The following IRF3 variants were observed in gnomAD, a reference collection of about 807,000 sequenced individuals.
IRF3 encodes the protein interferon regulatory factor 3.
IRF3 carries 29 observed loss-of-function variants against 43.2 expected under a neutral mutation model. The ratio of observed to expected loss-of-function variants is 0.67; its 90% CI spans 0.50 to 0.91. The LOEUF (loss-of-function observed/expected upper bound fraction) is 0.91, where lower values mean the gene tolerates loss of function less well. IRF3 is among the 40% of genes least tolerant of loss of function. IRF3 has a pLI of 0.00. For synonymous variants in IRF3, 228 were observed against 233.9 expected, an observed-to-expected ratio of 0.97 and a Z score of 0.23; for missense variants, 505 against 559.1, an observed-to-expected ratio of 0.90 and a Z score of 0.98.
chr19:49,664,166 C>CA (rs1190505073), intron 2 of IRF3, among the ~76,000 whole-genome samples: 1 of 152,162 alleles, frequency 6.6e-6, no homozygotes, highest in East Asian at 1.9e-4. Context: ...GCCCCCGGCC[C>CA]AAAAACCTTT....
rs767689722 is a variant in IRF3 at position 49,659,611 on chromosome 19, A to AC, written c.*36dup. ...AGTTTATTGGTTGAGGTGGTGGGGAACAGGGGGGTTGGAGGCACACCATGA... is the reference window on the plus strand; with the variant it reads ...AGTTTATTGGTTGAGGTGGTGGGGAACCAGGGGGGTTGGAGGCACACCATGA... On this transcript the variant is annotated 3_prime_UTR_variant, in exon 8 of 8. Coordinates refer to ENST00000377139, the MANE Select transcript of IRF3 (RefSeq NM_001571.6). The AC allele has an allele frequency of 1.3e-6, 2 of 1,587,064 alleles. No homozygotes were observed. Among genetic ancestry groups the AC allele is most frequent in the African/African-American group, 1.3e-5 (1 of 74,166 alleles).
chr19:49,662,427 TC>T lies in IRF3; in HGVS notation c.598del (p.Glu200LysfsTer7). The T allele has an allele frequency of 6.3e-7, 1 of 1,591,170 alleles. No individual in the cohort carries two copies. Among genetic ancestry groups the T allele is most frequent in the Non-Finnish European group, 8.6e-7 (1 of 1,168,820 alleles). On this transcript the variant is annotated frameshift_variant, in exon 5 of 8. Transcript: ENST00000377139. LOFTEE classifies it high-confidence loss of function. Reference sequence around the variant, plus strand: ...CCCAGCCTGCAGCTGACACTCACCTTCCCCCGGCACCAACAGCCGCTTCAGT... The same window carrying T: ...CCCAGCCTGCAGCTGACACTCACCTTCCCCGGCACCAACAGCCGCTTCAGT... ...NPLKRLLVPG[E>X]EWEFEVTAFY...
chr19:49,664,541 A>G (rs1411714763), intron 2 of IRF3, 133 bp downstream of exon 2: 2 of 1,593,554 alleles, frequency 1.3e-6, no homozygotes, highest in Middle Eastern at 1.7e-4. Flanking sequence ...CTCCCGTTCT[A>G]GCCCCACCCA....
chr19:49,665,076 T>C (rs1294061996), intron 1 of IRF3: 1 of 536,832 alleles, frequency 1.9e-6, no homozygotes, highest in Non-Finnish European at 3.3e-6. Context: ...CCCAGCGTCT[T>C]CAGTGCAGAC....
At position 49,662,564 on chromosome 19, in the gene IRF3, A is replaced by C; in HGVS notation, c.462T>G (p.Asp154Glu). ...LGNMVLAPLP[D>E]PGPPSLAVAP... ...CTACAGCCAGGCTTGGGGGTCCCGG[A>C]TCTGGGAGTGGGGCCAACACCATGT... The change falls in exon 5 of 8, where the codon GAT becomes GAG. Residue 154 changes from aspartate (D) to glutamate (E), a missense_variant. Asp to Glu is a conservative substitution (Grantham distance 45, BLOSUM62 2). Coordinates refer to ENST00000377139, the MANE Select transcript of IRF3 (RefSeq NM_001571.6). The C allele has an allele frequency of 1.3e-6, 2 of 1,528,088 alleles. No homozygotes were observed. The highest frequency in any genetic ancestry group is 1.8e-6 in the Non-Finnish European group (2 of 1,142,232). 94.7% of individuals were successfully genotyped at this position (1,528,088 alleles called of 1,614,324 possible).
intron 7 of IRF3, 56 bp from the exon 8 acceptor site, chr19:49,659,889 G>GGT: frequency 1.3e-6 from 2 of 1,529,184 alleles, no homozygotes; most frequent in Non-Finnish European, 1.8e-6. Context: ...TGTCCACCAA[G>GGT]GTAGGAGTCA....
rs757666757 is a variant in IRF3, at chr19:49,659,609, G to A, written c.*39C>T. On this transcript the variant is annotated 3_prime_UTR_variant, in exon 8 of 8. Coordinates refer to ENST00000377139, the MANE Select transcript of IRF3 (RefSeq NM_001571.6). ...CCAGTTTATTGGTTGAGGTGGTGGG[G>A]AACAGGGGGGTTGGAGGCACACCAT... 16 of 1,584,408 alleles carry A rather than the reference G, an allele frequency of 1.0e-5. No homozygotes were observed. In the African/African-American group the frequency reaches 1.1e-4, roughly 11 times the overall value.
chr19:49,659,784 C>T lies in IRF3; in HGVS notation c.1148G>A (p.Gly383Asp). Residue 383 changes from glycine (G) to aspartate (D), a missense_variant, in exon 8 of 8, where the codon GGT becomes GAT. Transcript: ENST00000377139. ...RALVEMARVG[G>D]ASSLENTVDL... ...CACAGTATTCTCCAGGGAGGAGGCA[C>T]CCCCTACCCGGGCCATTTCTACCAA... 6.2e-7 allele frequency: 1 copy of T among 1,611,120 alleles called. No homozygotes were observed. Among genetic ancestry groups the T allele is most frequent in the Non-Finnish European group, 8.5e-7 (1 of 1,178,156 alleles).
chr19:49,664,379 A>T (rs1038479124), intron 2 of IRF3: 39 of 1,226,548 alleles, frequency 3.2e-5, no homozygotes, highest in Non-Finnish European at 4.1e-5. Context: ...TCTATCCTAC[A>T]ACCAAGAGCC....
chr19:49,662,268 G>A lies in IRF3; in HGVS notation c.662C>T (p.Ser221Phe). Residue 221 changes from serine (S) to phenylalanine (F), a missense_variant, in exon 6 of 8, where the codon TCC becomes TTC. Physicochemically the swap from Ser to Phe is radical, Grantham distance 155 (BLOSUM62 -2). Transcript: ENST00000377139. ...CACCAGCCGCAGGCCCTCCGGGCAG[G>A]AGATGGTCTGCTGGAAGACTTGGCG... Reference protein sequence around the residue: ...RGRQVFQQTISCPEGLRLVGS... With the variant: ...RGRQVFQQTIFCPEGLRLVGS... 6.2e-7 allele frequency: 1 copy of A among 1,613,938 alleles called. No homozygotes were observed. Among genetic ancestry groups the A allele is most frequent in the Non-Finnish European group, 8.5e-7 (1 of 1,180,054 alleles).
chr19:49,665,823 GATGGGA>G lies in IRF3; in HGVS notation c.-207_-202del. 1 of 1,587,608 alleles carries G rather than the reference GATGGGA, an allele frequency of 6.3e-7. No homozygotes were observed. The highest frequency in any genetic ancestry group is 8.6e-7 in the Non-Finnish European group (1 of 1,160,034). On this transcript the variant is annotated 5_prime_UTR_variant, in exon 1 of 8. Coordinates refer to ENST00000377139, the MANE Select transcript of IRF3 (RefSeq NM_001571.6). The stretch of plus-strand genomic sequence containing the variant: ...TCTTTGGGTAACAGACCCAAAAGCC[GATGGGA>G]CGGCCCGCTGGGCTGTTCCCGCCCC...
chr19:49,660,056 A>G (rs1252614298), intron 7 of IRF3, among the ~76,000 whole-genome samples: 1 of 134,202 alleles, frequency 7.5e-6, no homozygotes, highest in African/African-American at 2.9e-5. Context: ...CCATAGGCCT[A>G]GGGCTGCTGG....
At position 49,665,664 on chromosome 19, in the gene IRF3, G is replaced by A. The variant is rs753202316; in HGVS notation, c.-42C>T. On this transcript the variant is annotated 5_prime_UTR_variant, in exon 1 of 8. Transcript: ENST00000377139. ...GAAGGTCGGGGCGTGCGGGCAGCTG[G>A]AACCCACCCCTGTCTTGGAGCTCCG... 2.4e-4 allele frequency: 230 copies of A among 977,672 alleles called. No homozygotes were observed. Among genetic ancestry groups the A allele is most frequent in the Non-Finnish European group, 3.2e-4 (215 of 674,514 alleles). 60.6% of individuals were successfully genotyped at this position (977,672 alleles called of 1,614,324 possible).
In IRF3 at chr19:49,664,392, G is replaced by A. The variant is rs1255607881; in HGVS notation, c.165+282C>T. The A allele has an allele frequency of 6.1e-6, 8 of 1,310,356 alleles. No homozygotes were observed. The Admixed American group carries it at 1.3e-4, about 21-fold the overall frequency. The allele number at this position is 1,310,356 out of a possible 1,614,324, so 81.2% of individuals were successfully genotyped here. ...TATCTATCCTACAACCAAGAGCCCC[G>A]GCCTCTAGAAAGCCCCAAACCCCCA... On this transcript the variant is annotated intron_variant, in intron 2 of 7. Coordinates refer to ENST00000377139, the MANE Select transcript of IRF3 (RefSeq NM_001571.6).
Position 49,665,769 on chromosome 19 carries a change from A to G in IRF3, c.-147T>C, listed in dbSNP as rs2081703216. On this transcript the variant is annotated 5_prime_UTR_variant, in exon 1 of 8. Transcript: ENST00000377139. ...AGCGCTGGGGCTTTCTTTTTGATCGACTTCTTGAAATAAAACCAACTTTAT... is the reference window on the plus strand; with the variant it reads ...AGCGCTGGGGCTTTCTTTTTGATCGGCTTCTTGAAATAAAACCAACTTTAT... 2 of 1,547,786 alleles carry G rather than the reference A, an allele frequency of 1.3e-6. No individual in the cohort carries two copies.
At chr19:49,660,212 A>G (rs1353515333) in intron 7 of IRF3, among the ~76,000 whole-genome samples, 1 of 152,108 alleles carries the variant, frequency 6.6e-6, no homozygotes, top group Non-Finnish European at 1.5e-5. Flanking sequence ...CATGGTTTAG[A>G]GCAGGGGTCC....
intron 7 of IRF3, among the ~76,000 whole-genome samples, 195 bp from the exon 8 acceptor site, chr19:49,660,028 C>CACACACACACACACACA (rs1555753000): frequency 0.016 from 1,801 of 109,834 alleles, 79 homozygotes; most frequent in Non-Finnish European, 0.02. Flanking sequence ...CACACACACA[C>CACACACACACACACACA]CCCCTGCTGT....
intron 1 of IRF3, chr19:49,665,132 A>C: frequency 2.7e-6 from 1 of 370,764 alleles, no homozygotes. Flanking sequence ...TCCCTCCCCC[A>C]CATCATCGAA....
chr19:49,659,926 A>G, intron 7 of IRF3, 93 bp from the exon 8 acceptor site: 1 of 1,381,440 alleles, frequency 7.2e-7, no homozygotes. Flanking sequence ...AACTCCCTGC[A>G]GCCCCTGCTG....
Sources: gnomAD v4.1 joint callset for allele counts (sites outside exome capture counted in the v4.1 genomes callset) on GRCh38, gnomAD v4.1.1 for gene constraint, MANE v1.5 for transcripts, NCBI Gene and HGNC (gene_info 2026-07-23, HGNC 2026-07-21) for gene names.